The following ZNF469 variants were observed in gnomAD, a reference collection of about 807,000 sequenced individuals.
The protein encoded by ZNF469 is zinc finger protein 469.
Under a neutral mutation model 1.0 loss-of-function variants are expected in ZNF469, and 1 was observed. That is an observed-to-expected ratio of 1.00 (90% CI 0.35 to 4.73). The LOEUF (loss-of-function observed/expected upper bound fraction) is 4.73. Ranked by LOEUF, ZNF469 falls within the 30% of genes most tolerant of loss-of-function variation. The pLI is 0.16. For missense variants in ZNF469, 6,100 were observed against 5,356.3 expected, an observed-to-expected ratio of 1.14 and a Z score of -4.33; for synonymous variants, 2,703 against 2,363.4, an observed-to-expected ratio of 1.14 and a Z score of -4.17.
At chr16:88,224,588 C>T in the ZNF469 span, among the ~76,000 whole-genome samples, 1 of 152,152 alleles carries the variant, frequency 6.6e-6, no homozygotes, top group Non-Finnish European at 1.5e-5. Context: ...GAGACTGAGG[C>T]GCAGAGAGGC....
At chr16:88,416,680 C>T (rs376905809) in intron 1 of ZNF469, among the ~76,000 whole-genome samples, 8 of 152,242 alleles carry the variant, frequency 5.3e-5, no homozygotes, top group Admixed American at 2.0e-4. Flanking sequence ...TTTCTAGCAT[C>T]AACAAGCAGT....
the ZNF469 span, among the ~76,000 whole-genome samples, chr16:88,221,481 G>A: frequency 6.6e-6 from 1 of 152,226 alleles, no homozygotes; most frequent in African/African-American, 2.4e-5. Context: ...TTGTAGACGA[G>A]CAAGAATGCA....
chr16:88,256,894 CCT>C, the ZNF469 span, among the ~76,000 whole-genome samples: 117 of 51,406 alleles, frequency 2.3e-3, 1 homozygote, highest in Non-Finnish European at 3.2e-3. Flanking sequence ...TCTTTTCTTT[CCT>C]TCTTTCTTTC....
chr16:88,415,034 C>T lies in ZNF469; in HGVS notation c.-191-9773C>T, dbSNP rs999366792. On this transcript the variant is annotated intron_variant, in intron 1 of 2. Transcript: ENST00000565624. ...ACAGGGAAGGGCACTGCCTCGGCCT[C>T]GCAGAGACTCCGGTCCCGGGTGCCA... Among the ~76,000 whole-genome samples, 4 of 152,338 alleles carry T rather than the reference C, an allele frequency of 2.6e-5. No homozygotes were observed. The South Asian group carries it at 6.2e-4, about 24-fold the overall frequency.
chr16:88,196,723 C>G, the ZNF469 span, among the ~76,000 whole-genome samples: 6 of 152,238 alleles, frequency 3.9e-5, no homozygotes, highest in Non-Finnish European at 7.3e-5. Flanking sequence ...GATATCACCC[C>G]TTCATCACAG....
chr16:88,257,036 C>T, the ZNF469 span, among the ~76,000 whole-genome samples: 1 of 149,914 alleles, frequency 6.7e-6, no homozygotes, highest in African/African-American at 2.5e-5. Context: ...GCAACCTCCG[C>T]CTCCTAGGTT....
Position 88,437,490 on chromosome 16 carries a change from C to T in ZNF469, c.10020C>T (p.His3340=). ...EACKDPSRDC[H]HCGKRFPKPF... is the part of the protein sequence containing the mutation. ...GCAAGGACCCCTCCCGCGACTGCCA[C>T]CACTGCGGGAAGCGCTTCCCCAAGC... Residue 3340 remains histidine (H), a synonymous_variant, in exon 3 of 3, where the codon CAC becomes CAT. Transcript: ENST00000565624. 6.5e-7 allele frequency: 1 copy of T among 1,539,278 alleles called. No homozygotes were observed. The highest frequency in any genetic ancestry group is 8.8e-7 in the Non-Finnish European group (1 of 1,139,524).
At chr16:88,115,637 A>G in the ZNF469 span, among the ~76,000 whole-genome samples, 2 of 1,840 alleles carry the variant, frequency 1.1e-3, no homozygotes, top group Non-Finnish European at 2.7e-3. Flanking sequence ...CAGAAGGGAA[A>G]TCAAGAGGCC....
the ZNF469 span, among the ~76,000 whole-genome samples, chr16:88,289,796 TG>T: frequency 6.6e-6 from 1 of 152,166 alleles, no homozygotes; most frequent in Non-Finnish European, 1.5e-5. Flanking sequence ...CAGATGCGCA[TG>T]GTAGGATTTA....
At chr16:88,143,259 G>A in the ZNF469 span, among the ~76,000 whole-genome samples, 6 of 152,366 alleles carry the variant, frequency 3.9e-5, no homozygotes, top group African/African-American at 1.4e-4. Context: ...GGAGATTTCA[G>A]CAGTTCCAAC....
the ZNF469 span, among the ~76,000 whole-genome samples, chr16:88,305,340 T>TCACACACATG: frequency 3.1e-5 from 3 of 98,042 alleles, no homozygotes; most frequent in Admixed American, 3.3e-4. Context: ...ACGCACACCC[T>TCACACACATG]CACACACATG....
chr16:88,142,937 A>C, the ZNF469 span, among the ~76,000 whole-genome samples: 1 of 152,112 alleles, frequency 6.6e-6, no homozygotes, highest in African/African-American at 2.4e-5. Flanking sequence ...CCTCAGGGAG[A>C]GCCCCTGCGG....
the ZNF469 span, among the ~76,000 whole-genome samples, chr16:88,209,559 G>A: frequency 6.6e-6 from 1 of 152,250 alleles, no homozygotes; most frequent in African/African-American, 2.4e-5. Flanking sequence ...CCAAAGTGCT[G>A]GGATTATAGG....
At chr16:88,247,380 A>G in the ZNF469 span, among the ~76,000 whole-genome samples, 115 of 149,502 alleles carry the variant, frequency 7.7e-4, 1 homozygote, top group East Asian at 3.6e-3. Flanking sequence ...GAGTGAGTGA[A>G]TGAATGAGTC....
chr16:88,242,723 A>C, the ZNF469 span, among the ~76,000 whole-genome samples: 1 of 152,264 alleles, frequency 6.6e-6, no homozygotes, highest in Non-Finnish European at 1.5e-5. Flanking sequence ...TGGTTCCCAC[A>C]GCGAGGATGC....
chr16:88,256,921 T>TC, the ZNF469 span, among the ~76,000 whole-genome samples: 1 of 3,622 alleles, frequency 2.8e-4, no homozygotes, highest in African/African-American at 4.2e-4. Context: ...TTTCTTTCTT[T>TC]CTTTCTTTCT....
chr16:88,349,084 G>A, the ZNF469 span, among the ~76,000 whole-genome samples: 1 of 152,196 alleles, frequency 6.6e-6, no homozygotes, highest in African/African-American at 2.4e-5. Context: ...AGGCCAGCAT[G>A]GCTCTGGGCG....
the ZNF469 span, among the ~76,000 whole-genome samples, chr16:88,197,097 A>G: frequency 1.3e-5 from 2 of 152,154 alleles, no homozygotes; most frequent in African/African-American, 2.4e-5. Flanking sequence ...TCACTTCCCT[A>G]TAGATCTAAT....
the ZNF469 span, among the ~76,000 whole-genome samples, chr16:88,292,545 G>A: frequency 6.6e-6 from 1 of 152,108 alleles, no homozygotes; most frequent in African/African-American, 2.4e-5. Flanking sequence ...ACGCACGTGG[G>A]GAAGGGTCAG....
Sources: allele counts gnomAD v4.1 joint callset (sites outside exome capture counted in the v4.1 genomes callset), GRCh38; gene constraint gnomAD v4.1.1; transcripts MANE v1.5; gene names NCBI Gene and HGNC (gene_info 2026-07-23, HGNC 2026-07-21).